GLMN: variants seen among roughly 807,000 people sequenced by gnomAD.
The protein encoded by GLMN is glomulin.
GLMN carries 75 observed loss-of-function variants against 87.8 expected under a neutral mutation model. The observed-to-expected ratio is 0.85, with a 90% confidence interval of 0.71 to 1.04. GLMN has a LOEUF of 1.04. GLMN is among the 50% of genes least tolerant of loss of function. GLMN has a pLI of 0.00. For synonymous variants in GLMN, 206 were observed against 221.6 expected (o/e 0.93, Z 0.63); for missense variants, 588 against 658.8 (o/e 0.89, Z 1.18).
the GLMN span, chr1:92,345,900 G>A: frequency 6.2e-7 from 1 of 1,603,292 alleles, no homozygotes; most frequent in South Asian, 1.1e-5. Context: ...TAATTGCTAT[G>A]GTGTTGCTGT....
the GLMN span, among the ~76,000 whole-genome samples, chr1:92,361,530 C>G: frequency 3.9e-5 from 6 of 152,092 alleles, no homozygotes; most frequent in Admixed American, 1.3e-4. Context: ...ACTATTGTGA[C>G]TGAAGAAAAG....
At chr1:92,344,900 A>G in the GLMN span, among the ~76,000 whole-genome samples, 2 of 152,038 alleles carry the variant, frequency 1.3e-5, no homozygotes, top group East Asian at 3.9e-4. Context: ...ATCCTTTACC[A>G]TTTATGTATT....
At position 92,271,458 on chromosome 1, in the gene GLMN, C is replaced by T; in HGVS notation, c.923+7G>A. 1 of 1,604,940 alleles carries T rather than the reference C, an allele frequency of 6.2e-7. No homozygotes were observed. The highest frequency in any genetic ancestry group is 8.5e-7 in the Non-Finnish European group (1 of 1,172,350). ...AATACATGAATAAACCAAACACTAA[C>T]TCTTACCTTAAGACCATTGGAAGCT... On this transcript the variant is annotated splice_region_variant and intron_variant, in intron 8 of 18. Coordinates refer to ENST00000370360, the MANE Select transcript of GLMN (RefSeq NM_053274.3).
At position 92,288,956 on chromosome 1, in the gene GLMN, TTTTC is replaced by T. The variant is rs925708240; in HGVS notation, c.586_589del (p.Glu196ThrfsTer8). 10 of 1,609,918 alleles carry T rather than the reference TTTTC, an allele frequency of 6.2e-6. No homozygotes were observed. Among genetic ancestry groups the T allele is most frequent in the Non-Finnish European group, 7.7e-6 (9 of 1,176,344 alleles). On this transcript the variant is annotated frameshift_variant, in exon 6 of 19. Transcript: ENST00000370360. LOFTEE classifies it high-confidence loss of function. ...CTTTAACTTTTCATTTTCCAGTGAG[TTTTC>T]TTTGTTATCAATGACTTCTTCCACA...
rs532530906 is a variant in GLMN at position 92,288,965 on chromosome 1, T to C, written c.581A>G (p.Asn194Ser). The C allele has an allele frequency of 3.1e-6, 5 of 1,611,908 alleles. No individual in the cohort carries two copies. In the East Asian group the frequency reaches 8.9e-5, roughly 29 times the overall value. The change falls in exon 6 of 19, where the codon AAC becomes AGC. Residue 194 changes from asparagine (N) to serine (S), a missense_variant. By Grantham distance (46) the Asn-to-Ser change is conservative. Coordinates refer to ENST00000370360, the MANE Select transcript of GLMN (RefSeq NM_053274.3). ...TTCATTTTCCAGTGAGTTTTCTTTGTTATCAATGACTTCTTCCACAAAAGG... is the reference window on the plus strand; with the variant it reads ...TTCATTTTCCAGTGAGTTTTCTTTGCTATCAATGACTTCTTCCACAAAAGG... ...TKPFVEEVID[N>S]KENSLENEKL...
chr1:92,368,944 TTGG>T, the GLMN span, among the ~76,000 whole-genome samples: 1 of 152,224 alleles, frequency 6.6e-6, no homozygotes, highest in Non-Finnish European at 1.5e-5. Flanking sequence ...GAGGTTTGAA[TTGG>T]TGGAGGTTTC....
the GLMN span, among the ~76,000 whole-genome samples, chr1:92,351,391 T>C: frequency 4.5e-4 from 69 of 152,138 alleles, no homozygotes; most frequent in East Asian, 0.012. Context: ...GTATATCATA[T>C]TTGTTTTTAT....
At chr1:92,357,303 G>T in the GLMN span, among the ~76,000 whole-genome samples, 3 of 152,050 alleles carry the variant, frequency 2.0e-5, no homozygotes, top group Admixed American at 6.6e-5. Context: ...TGCCAAAAAA[G>T]AAAAAGGCAC....
At position 92,247,946 on chromosome 1, in the gene GLMN, A is replaced by G; in HGVS notation, c.1517T>C (p.Leu506Ser). ...ATTAAGTCCTATATGAAGTGGCTTT[A>G]AGAAATTATTCTCAATATTTCCAAG... ...TELGNIENNF[L>S]KPLHIGLNMS... The change falls in exon 17 of 19, where the codon TTA (leucine) becomes TCA (serine). Residue 506 changes from leucine (L) to serine (S), a missense_variant. Leu to Ser is a moderately radical substitution (Grantham distance 145). Coordinates refer to ENST00000370360, the MANE Select transcript of GLMN (RefSeq NM_053274.3). 7.1e-7 allele frequency: 1 copy of G among 1,409,974 alleles called. No individual in the cohort carries two copies. Among genetic ancestry groups the G allele is most frequent in the Non-Finnish European group, 1.0e-6 (1 of 995,342 alleles). The allele number at this position is 1,409,974 out of a possible 1,614,324, so 87.3% of individuals were successfully genotyped here.
At chr1:92,272,513 A>G (rs1293704649) in intron 7 of GLMN, among the ~76,000 whole-genome samples, 5 of 152,222 alleles carry the variant, frequency 3.3e-5, no homozygotes, top group East Asian at 1.9e-4. Flanking sequence ...TTTTTTTAAA[A>G]AAGTGCTTCA....
At chr1:92,346,573 T>C in the GLMN span, among the ~76,000 whole-genome samples, 1 of 152,236 alleles carries the variant, frequency 6.6e-6, no homozygotes, top group Non-Finnish European at 1.5e-5. Context: ...GGCTTCATTA[T>C]TTTACATCTG....
the GLMN span, among the ~76,000 whole-genome samples, chr1:92,343,165 G>C: frequency 6.6e-6 from 1 of 152,198 alleles, no homozygotes; most frequent in Admixed American, 6.5e-5. Context: ...GTGCTCATGA[G>C]AGGTGGGGGA....
At chr1:92,331,034 A>T in the GLMN span, among the ~76,000 whole-genome samples, 2 of 152,188 alleles carry the variant, frequency 1.3e-5, no homozygotes, top group Admixed American at 1.3e-4. Flanking sequence ...TGCTCATTCC[A>T]TCAGTCACTG....
chr1:92,300,117 A>T, upstream of GLMN: 1 of 970,044 alleles, frequency 1.0e-6, no homozygotes, highest in Non-Finnish European at 1.6e-6. Context: ...TTTTAATCTT[A>T]TGAGACCGCT....
chr1:92,263,538 C>T (rs1655273319), intron 15 of GLMN, 85 bp downstream of exon 15: 2 of 783,020 alleles, frequency 2.6e-6, no homozygotes, highest in Admixed American at 3.4e-5. Flanking sequence ...CAGGAAAAGA[C>T]ATTTTATTAC....
At chr1:92,335,229 C>G in the GLMN span, among the ~76,000 whole-genome samples, 1 of 152,092 alleles carries the variant, frequency 6.6e-6, no homozygotes, top group South Asian at 2.1e-4. Flanking sequence ...GATTATGCCA[C>G]TGCACTCCAG....
Position 92,293,997 on chromosome 1 carries a change from A to C in GLMN, c.166-2460T>G, listed in dbSNP as rs1031606062. ...GCAGGGAAGATGGCTAATGGGTACC[A>C]AAAAAAAAAAAAAAAGTTATAAGTA... On this transcript the variant is annotated intron_variant, in intron 3 of 18. Transcript: ENST00000370360. Among the ~76,000 whole-genome samples, 9 of 126,564 alleles carry C rather than the reference A, an allele frequency of 7.1e-5. 1 individual carries two copies. The highest frequency in any genetic ancestry group is 1.5e-4 in the Admixed American group (2 of 13,308). 83.0% of individuals were successfully genotyped at this position (126,564 alleles called of 152,430 possible).
chr1:92,319,905 G>A, the GLMN span, among the ~76,000 whole-genome samples: 1 of 151,926 alleles, frequency 6.6e-6, no homozygotes, highest in Non-Finnish European at 1.5e-5. Context: ...GGCTGAGGCA[G>A]GAGAATCACT....
chr1:92,353,025 T>C, the GLMN span, among the ~76,000 whole-genome samples: 2 of 152,254 alleles, frequency 1.3e-5, no homozygotes, highest in African/African-American at 4.8e-5. Flanking sequence ...GTAACAGTAC[T>C]TCATTCCTTT....
Sources: gnomAD v4.1 joint callset for allele counts (sites outside exome capture counted in the v4.1 genomes callset) on GRCh38, gnomAD v4.1.1 for gene constraint, MANE v1.5 for transcripts, NCBI Gene and HGNC (gene_info 2026-07-23, HGNC 2026-07-21) for gene names.